The following SDK1 variants were observed in gnomAD, a reference collection of about 807,000 sequenced individuals.
SDK1 encodes protein sidekick-1.
Under a neutral mutation model 245.5 loss-of-function variants are expected in SDK1, and 157 were observed. That is an observed-to-expected ratio of 0.64 (90% CI 0.56 to 0.73). SDK1 has a LOEUF of 0.73. SDK1 is among the 30% of genes least tolerant of loss of function. The pLI, the probability that SDK1 is intolerant of heterozygous loss-of-function variation, is 0.00. For synonymous variants in SDK1, 1,647 were observed against 1,278.5 expected (o/e 1.29, Z -6.15); for missense variants, 3,583 against 3,002.3 (o/e 1.19, Z -4.52).
At chr7:3,530,197 A>T (rs1783295710) in intron 1 of SDK1, among the ~76,000 whole-genome samples, 2 of 152,190 alleles carry the variant, frequency 1.3e-5, no homozygotes, top group Non-Finnish European at 2.9e-5. Context: ...ATTTGCACAC[A>T]TTTTAAAATA....
chr7:3,590,601 T>C (rs559014523), intron 1 of SDK1, among the ~76,000 whole-genome samples: 6 of 152,102 alleles, frequency 3.9e-5, no homozygotes, highest in Non-Finnish European at 8.8e-5. Flanking sequence ...TCTAAAGATA[T>C]TTTGGGGAAG....
intron 8 of SDK1, among the ~76,000 whole-genome samples, chr7:3,961,030 C>G (rs1024213487): frequency 7.9e-5 from 12 of 152,356 alleles, no homozygotes; most frequent in African/African-American, 2.6e-4. Context: ...CAATCTTAAA[C>G]TCCCTTTGAC....
In SDK1 at chr7:4,210,059, A is replaced by G. The variant is rs1357605621; in HGVS notation, c.5436A>G (p.Glu1812=). ...PGAPSFLAFS[E]ITSTTLNVSW... ...CCCCCAGCTTTCTGGCGTTCTCAGAAATAACCTCCACCACGCTCAACGTGT... is the reference window on the plus strand; with the variant it reads ...CCCCCAGCTTTCTGGCGTTCTCAGAGATAACCTCCACCACGCTCAACGTGT... Residue 1812 remains glutamate (E), a synonymous_variant, in exon 38 of 45, where the codon GAA becomes GAG. Coordinates refer to ENST00000404826, the MANE Select transcript of SDK1 (RefSeq NM_152744.4). 6.2e-7 allele frequency: 1 copy of G among 1,601,618 alleles called. No individual in the cohort carries two copies. The highest frequency in any genetic ancestry group is 1.1e-5 in the South Asian group (1 of 88,722).
intron 1 of SDK1, among the ~76,000 whole-genome samples, chr7:3,563,654 A>G (rs1779818019): frequency 6.6e-6 from 1 of 152,224 alleles, no homozygotes; most frequent in Admixed American, 6.5e-5. Flanking sequence ...CTACAGTTGA[A>G]AAGCAGGCAG....
chr7:4,178,399 G>T (rs1394724065), intron 34 of SDK1, 86 bp from the exon 35 acceptor site: 10 of 962,664 alleles, frequency 1.0e-5, no homozygotes, highest in Non-Finnish European at 1.3e-5. Context: ...GGTGCTCCTT[G>T]CTTCATTGTG....
At position 4,162,055 on chromosome 7, in the gene SDK1, A is replaced by G. The variant is rs999685954; in HGVS notation, c.4800+199A>G. On this transcript the variant is annotated intron_variant, in intron 32 of 44. Coordinates refer to ENST00000404826, the MANE Select transcript of SDK1 (RefSeq NM_152744.4). ...ATCATCTCGGTGTAATTTCCAAAAC[A>G]TTAGAAGCAGGACTGTGATGCACGT... is the stretch of plus-strand genomic sequence containing the variant. 3.3e-5 allele frequency among the ~76,000 whole-genome samples: 5 copies of G among 151,992 alleles called. 1 individual carries two copies. The East Asian group carries it at 9.7e-4, about 29-fold the overall frequency.
At chr7:3,751,528 C>A (rs1779771620) in intron 4 of SDK1, among the ~76,000 whole-genome samples, 1 of 152,170 alleles carries the variant, frequency 6.6e-6, no homozygotes. Context: ...GCCTCCAATG[C>A]TTCAAAGCCT....
chr7:3,639,127 G>C lies in SDK1; in HGVS notation c.565+17G>C. The stretch of plus-strand genomic sequence containing the variant: ...AAGTCGCATGTATGTGTACAGTAAG[G>C]AGATGTCCAAATGTTAAAGAACAAA... On this transcript the variant is annotated intron_variant, in intron 3 of 44. Coordinates refer to ENST00000404826, the MANE Select transcript of SDK1 (RefSeq NM_152744.4). 1 of 1,434,840 alleles carries C rather than the reference G, an allele frequency of 7.0e-7. No homozygotes were observed. Among genetic ancestry groups the C allele is most frequent in the Non-Finnish European group, 9.7e-7 (1 of 1,034,418 alleles). The allele number at this position is 1,434,840 out of a possible 1,614,324, so 88.9% of individuals were successfully genotyped here. A position where few individuals can be genotyped will look rare whatever the true frequency, so the allele number is the denominator to read the frequency against.
chr7:3,721,215 G>C (rs1005426775), intron 4 of SDK1, among the ~76,000 whole-genome samples: 23 of 152,248 alleles, frequency 1.5e-4, no homozygotes, highest in African/African-American at 4.6e-4. Context: ...AAAGCTACGC[G>C]TGTGATAAAA....
At chr7:3,667,839 A>G (rs1245000527) in intron 4 of SDK1, among the ~76,000 whole-genome samples, 2 of 152,162 alleles carry the variant, frequency 1.3e-5, no homozygotes, top group South Asian at 2.1e-4. Flanking sequence ...TTGTTATTCT[A>G]TTCCCCAGTT....
intron 1 of SDK1, among the ~76,000 whole-genome samples, chr7:3,388,701 G>C (rs1781671254): frequency 6.6e-6 from 1 of 152,158 alleles, no homozygotes; most frequent in South Asian, 2.1e-4. Flanking sequence ...ACATTTTTAA[G>C]AGTTGATAAA....
chr7:4,077,438 C>T (rs1202601598), intron 21 of SDK1, among the ~76,000 whole-genome samples: 4 of 152,244 alleles, frequency 2.6e-5, no homozygotes, highest in South Asian at 4.1e-4. Flanking sequence ...GTTCCCAGAA[C>T]ATGCGTTGAA....
At chr7:3,906,882 G>A (rs374654875) in intron 5 of SDK1, among the ~76,000 whole-genome samples, 2 of 151,860 alleles carry the variant, frequency 1.3e-5, no homozygotes, top group African/African-American at 2.4e-5. Context: ...CGCCCACCTC[G>A]GCCTCCCGAA....
intron 22 of SDK1, among the ~76,000 whole-genome samples, chr7:4,082,709 C>T (rs1166026747): frequency 1.3e-5 from 2 of 151,574 alleles, no homozygotes; most frequent in East Asian, 3.9e-4. Context: ...CAACCTCTGC[C>T]TCCTGGGCTC....
At chr7:3,796,979 T>C (rs577936702) in intron 4 of SDK1, among the ~76,000 whole-genome samples, 4 of 152,154 alleles carry the variant, frequency 2.6e-5, no homozygotes, top group Non-Finnish European at 4.4e-5. Flanking sequence ...TTCTTTTTTT[T>C]TCCTTTTCTT....
rs1000469086 is a variant in SDK1 at position 3,514,036 on chromosome 7, A to G, written c.299-105044A>G. On this transcript the variant is annotated intron_variant, in intron 1 of 44. Coordinates refer to ENST00000404826, the MANE Select transcript of SDK1 (RefSeq NM_152744.4). ...GTTCTCTTTATTCAGTCCACCATTG[A>G]TAGGCACCTAGGTTGATTCCATGTC... Among the ~76,000 whole-genome samples the G allele has an allele frequency of 2.0e-5, 3 of 152,052 alleles. No individual in the cohort carries two copies. In the East Asian group the frequency reaches 5.8e-4, roughly 29 times the overall value.
chr7:3,649,056 A>G (rs570161206), intron 4 of SDK1, among the ~76,000 whole-genome samples: 136 of 152,100 alleles, frequency 8.9e-4, no homozygotes, highest in Non-Finnish European at 5.7e-4. Context: ...AGTGCCAGCC[A>G]CTGTTCTGCT....
At chr7:3,641,635 G>T (rs1220836503) in intron 3 of SDK1, among the ~76,000 whole-genome samples, 1 of 152,240 alleles carries the variant, frequency 6.6e-6, no homozygotes, top group Non-Finnish European at 1.5e-5. Context: ...ACTGCTTCAC[G>T]TGGCTCTAGG....
chr7:3,602,732 T>C (rs1781290533), intron 1 of SDK1, among the ~76,000 whole-genome samples: 2 of 152,310 alleles, frequency 1.3e-5, no homozygotes, highest in South Asian at 4.2e-4. Context: ...TTTGGTGTTT[T>C]AGACATGAAG....
Sources: allele counts gnomAD v4.1 joint callset (sites outside exome capture counted in the v4.1 genomes callset), GRCh38; gene constraint gnomAD v4.1.1; transcripts MANE v1.5; gene names NCBI Gene and HGNC (gene_info 2026-07-23, HGNC 2026-07-21).